The following CEP63 variants were observed in gnomAD, a reference collection of about 807,000 sequenced individuals.
CEP63 encodes centrosomal protein 63, also known as centrosomal protein of 63 kDa.
Under a neutral mutation model 89.1 loss-of-function variants are expected in CEP63, and 84 were observed. The observed-to-expected ratio is 0.94, with a 90% CI of 0.79 to 1.13. The LOEUF is 1.13. Ranked by LOEUF, CEP63 falls within the 50% of genes most tolerant of loss-of-function variation. The pLI is 0.00. For missense variants in CEP63, 838 were observed against 813.3 expected, an observed-to-expected ratio of 1.03 and a Z score of -0.37; for synonymous variants, 267 against 272.5, an observed-to-expected ratio of 0.98 and a Z score of 0.20.
chr3:134,518,872 G>A (rs543649598), intron 3 of CEP63, among the ~76,000 whole-genome samples: 8 of 151,740 alleles, frequency 5.3e-5, no homozygotes, highest in Non-Finnish European at 8.8e-5. Flanking sequence ...TATTCTCTTC[G>A]AAAAAAATTA....
the CEP63 span, among the ~76,000 whole-genome samples, chr3:134,750,020 C>T: frequency 2.0e-5 from 3 of 152,216 alleles, no homozygotes; most frequent in Non-Finnish European, 2.9e-5. Flanking sequence ...AAGCAAGGGG[C>T]GCTAGTAAGC....
chr3:134,683,073 C>T, the CEP63 span, among the ~76,000 whole-genome samples: 1 of 152,224 alleles, frequency 6.6e-6, no homozygotes, highest in Non-Finnish European at 1.5e-5. Flanking sequence ...GATAGACTAG[C>T]TGCAGCTACC....
At chr3:134,702,323 T>G in the CEP63 span, among the ~76,000 whole-genome samples, 2 of 151,596 alleles carry the variant, frequency 1.3e-5, no homozygotes, top group African/African-American at 4.9e-5. Context: ...CTATACCCAT[T>G]AAACTACCAC....
chr3:134,637,634 T>C, the CEP63 span, among the ~76,000 whole-genome samples: 9 of 152,208 alleles, frequency 5.9e-5, no homozygotes, highest in Admixed American at 3.3e-4. Context: ...TCCCCAAACT[T>C]CTCATAATGC....
At chr3:134,610,419 C>T in the CEP63 span, 80 of 1,579,468 alleles carry the variant, frequency 5.1e-5, no homozygotes, top group African/African-American at 8.1e-5. Flanking sequence ...AGGGGGATCC[C>T]GCTGTGGCTT....
the CEP63 span, among the ~76,000 whole-genome samples, chr3:134,676,117 C>T: frequency 2.6e-5 from 4 of 152,138 alleles, no homozygotes; most frequent in African/African-American, 7.2e-5. Flanking sequence ...TGTAAGTTCA[C>T]CCTAAAATGT....
At chr3:134,604,392 C>T in the CEP63 span, 1 of 1,613,896 alleles carries the variant, frequency 6.2e-7, no homozygotes, top group Non-Finnish European at 8.5e-7. Flanking sequence ...GGCTCAGCAG[C>T]CCATGCTCTT....
the CEP63 span, chr3:134,647,535 G>A: frequency 1.5e-6 from 2 of 1,307,416 alleles, no homozygotes; most frequent in East Asian, 4.6e-5. Context: ...GGGAGACTCA[G>A]GGCAAAAGAG....
At chr3:134,531,712 G>A (rs111378699) in intron 3 of CEP63, 133 bp from the exon 4 acceptor site, 5 of 668,558 alleles carry the variant, frequency 7.5e-6, no homozygotes. Context: ...CCTAAGAAGT[G>A]GGGTATCACC....
At chr3:134,589,589 C>CAAA (rs55675043), downstream of CEP63, among the ~76,000 whole-genome samples, 4,238 of 147,092 alleles carry the variant, frequency 0.029, 74 homozygotes, top group African/African-American at 0.038. Context: ...ATTAAAATGT[C>CAAA]AAAAAAAAAA....
At chr3:134,771,134 G>A in the CEP63 span, among the ~76,000 whole-genome samples, 1 of 152,110 alleles carries the variant, frequency 6.6e-6, no homozygotes, top group Non-Finnish European at 1.5e-5. Context: ...CTCAGTGCAG[G>A]GCAACTCAGA....
chr3:134,572,139 G>C (rs1958034325), intron 11 of CEP63, among the ~76,000 whole-genome samples: 1 of 152,190 alleles, frequency 6.6e-6, no homozygotes, highest in Non-Finnish European at 1.5e-5. Flanking sequence ...GCCTACTTAT[G>C]TTTTATCTCA....
chr3:134,673,925 T>C, the CEP63 span, among the ~76,000 whole-genome samples: 1 of 152,224 alleles, frequency 6.6e-6, no homozygotes, highest in Non-Finnish European at 1.5e-5. Context: ...CAAGGTTTAT[T>C]TGGGGGCCCA....
the CEP63 span, among the ~76,000 whole-genome samples, chr3:134,633,177 A>G: frequency 1.3e-5 from 2 of 152,096 alleles, no homozygotes; most frequent in Non-Finnish European, 2.9e-5. Context: ...TCTAACAAAC[A>G]TTTAAAGTAA....
At chr3:134,690,889 C>T in the CEP63 span, among the ~76,000 whole-genome samples, 5 of 152,134 alleles carry the variant, frequency 3.3e-5, no homozygotes, top group South Asian at 4.1e-4. Flanking sequence ...GCTGGGATTA[C>T]AGGCTCCCGC....
At chr3:134,499,659 T>G (rs1029662321) in intron 2 of CEP63, among the ~76,000 whole-genome samples, 2 of 152,072 alleles carry the variant, frequency 1.3e-5, no homozygotes, top group Non-Finnish European at 2.9e-5. Context: ...ATGTGCTGGT[T>G]TGTTAAATGG....
the CEP63 span, among the ~76,000 whole-genome samples, chr3:134,682,761 C>T: frequency 6.6e-6 from 1 of 152,192 alleles, no homozygotes; most frequent in Non-Finnish European, 1.5e-5. Flanking sequence ...TCATTCAGTG[C>T]TCACACCACT....
the CEP63 span, among the ~76,000 whole-genome samples, chr3:134,704,596 T>G: frequency 6.6e-6 from 1 of 152,246 alleles, no homozygotes; most frequent in Non-Finnish European, 1.5e-5. Context: ...CCCAGCCCTG[T>G]CCATGGGGAG....
the CEP63 span, among the ~76,000 whole-genome samples, chr3:134,667,048 C>G: frequency 3.9e-5 from 6 of 152,312 alleles, no homozygotes; most frequent in East Asian, 1.9e-4. Flanking sequence ...GCTCCTCCCC[C>G]GCGTCCTCCC....
Sources: gnomAD v4.1 joint callset for allele counts (sites outside exome capture counted in the v4.1 genomes callset) on GRCh38, gnomAD v4.1.1 for gene constraint, MANE v1.5 for transcripts, NCBI Gene and HGNC (gene_info 2026-07-23, HGNC 2026-07-21) for gene names.